The following LINGO1 variants were observed in gnomAD, a reference collection of about 807,000 sequenced individuals.
LINGO1 encodes leucine rich repeat and Ig domain containing 1.
Under a neutral mutation model 37.3 loss-of-function variants are expected in LINGO1, and 11 were observed. That is an observed-to-expected ratio of 0.29 (90% confidence interval 0.19 to 0.49). The LOEUF (loss-of-function observed/expected upper bound fraction) is 0.49. LINGO1 is among the 20% of genes least tolerant of loss of function. The pLI is 0.99. For missense variants in LINGO1, 585 were observed against 878.2 expected, an observed-to-expected ratio of 0.67 and a Z score of 4.22; for synonymous variants, 387 against 403.0, an observed-to-expected ratio of 0.96 and a Z score of 0.48.
intron 1 of LINGO1, among the ~76,000 whole-genome samples, chr15:77,694,434 C>A (rs1211889123): frequency 6.6e-6 from 1 of 152,112 alleles, no homozygotes; most frequent in African/African-American, 2.4e-5. Flanking sequence ...TGTGGCCTCA[C>A]ACCTAGGGAC....
At chr15:77,667,854 A>C (rs1426445419) in intron 3 of LINGO1, 1 of 152,234 alleles carries the variant, frequency 6.6e-6, no homozygotes, top group Non-Finnish European at 1.5e-5. Flanking sequence ...CACATGGAGA[A>C]AAGGGCATCC....
At chr15:77,816,521 T>C (rs2077049123) in intron 1 of LINGO1, among the ~76,000 whole-genome samples, 2 of 152,180 alleles carry the variant, frequency 1.3e-5, no homozygotes, top group Admixed American at 6.5e-5. Context: ...AGAATATCTT[T>C]ACAATTTAAA....
chr15:77,622,484 G>A (rs2142531648), intron 1 of LINGO1, among the ~76,000 whole-genome samples: 1 of 152,300 alleles, frequency 6.6e-6, no homozygotes, highest in Non-Finnish European at 1.5e-5. Context: ...ATATCTAGCT[G>A]GGGAGGGAGA....
At chr15:77,715,463 G>A (rs1057353974) in intron 2 of LINGO1, among the ~76,000 whole-genome samples, 4 of 152,350 alleles carry the variant, frequency 2.6e-5, no homozygotes, top group African/African-American at 9.6e-5. Context: ...GGGCATTTTA[G>A]GAACAGAGTC....
At chr15:77,685,864 AG>A (rs1469629962) in intron 2 of LINGO1, among the ~76,000 whole-genome samples, 1 of 152,076 alleles carries the variant, frequency 6.6e-6, no homozygotes, top group East Asian at 1.9e-4. Flanking sequence ...AAAATAAATA[AG>A]TAAAAGTGTA....
At chr15:77,615,982 C>G in intron 1 of LINGO1, 82 bp from the exon 2 acceptor site, 10 of 989,656 alleles carry the variant, frequency 1.0e-5, no homozygotes, top group Non-Finnish European at 1.4e-5. Flanking sequence ...CCACCTGGGC[C>G]CCTCCTGCCC....
chr15:77,704,422 C>T lies in LINGO1; in HGVS notation c.-194-13521G>A, dbSNP rs2075823145. Among the ~76,000 whole-genome samples, 20 of 150,814 alleles carry T rather than the reference C, an allele frequency of 1.3e-4. 1 individual carries two copies. The highest frequency in any genetic ancestry group is 5.0e-4 in the African/African-American group (20 of 40,200). On this transcript the variant is annotated intron_variant, in intron 2 of 3. Coordinates refer to the LINGO1 transcript ENST00000561686. ...ACAGATTGAACCCCAACCCTGGCCA[C>T]ACACTGAATCCCGACCCTGGTCAGA...
chr15:77,698,726 G>C (rs2075729031), upstream of LINGO1, among the ~76,000 whole-genome samples: 1 of 152,216 alleles, frequency 6.6e-6, no homozygotes, highest in Admixed American at 6.5e-5. Flanking sequence ...GAAAGGGTGA[G>C]GGGACAGAGA....
intron 1 of LINGO1, among the ~76,000 whole-genome samples, chr15:77,757,308 C>T (rs1264313662): frequency 6.6e-6 from 1 of 152,198 alleles, no homozygotes; most frequent in East Asian, 1.9e-4. Context: ...AATCTGAGCC[C>T]CCAGAACAAG....
rs887953968 is a variant in LINGO1, at chr15:77,712,188, C to T, written c.-194-21287G>A. On this transcript the variant is annotated intron_variant, in intron 2 of 3. Transcript: ENST00000561686. ...GCCTGCTTCCAGTCACCTTCAGCTGCCATTCCCTGCAGCCTCTATCCCAGG... is the reference window on the plus strand; with the variant it reads ...GCCTGCTTCCAGTCACCTTCAGCTGTCATTCCCTGCAGCCTCTATCCCAGG... Among the ~76,000 whole-genome samples the T allele has an allele frequency of 1.9e-4, 29 of 152,170 alleles. 1 individual carries two copies. Among genetic ancestry groups the T allele is most frequent in the Admixed American group, 1.1e-3 (17 of 15,290 alleles).
chr15:77,664,179 G>A (rs1396169481), intron 3 of LINGO1, among the ~76,000 whole-genome samples: 2 of 151,690 alleles, frequency 1.3e-5, no homozygotes, highest in African/African-American at 4.9e-5. Context: ...GTGCGCGCGC[G>A]CATGCGTTTG....
In LINGO1 at chr15:77,614,101, C is replaced by T. The variant is rs374997896; in HGVS notation, c.1806G>A (p.Ser602=). 117 of 1,613,652 alleles carry T rather than the reference C, an allele frequency of 7.3e-5. No individual in the cohort carries two copies. The highest frequency in any genetic ancestry group is 9.6e-5 in the Non-Finnish European group (113 of 1,179,796). Residue 602 remains serine (S), a synonymous_variant, in exon 2 of 2, where the codon TCG becomes TCA. Transcript: ENST00000355300. ...NIEIEYVPRK[S]DAGISSADAP... is the part of the protein sequence containing the mutation. ...CGTCGGCGGAGCTGATGCCTGCGTC[C>T]GACTTTCGGGGCACATACTCGATCT...
intron 1 of LINGO1, among the ~76,000 whole-genome samples, chr15:77,622,648 G>A (rs556729965): frequency 8.5e-5 from 13 of 152,334 alleles, no homozygotes; most frequent in South Asian, 2.1e-4. Flanking sequence ...TTCAGGAAAC[G>A]ATAAAGCGTG....
At chr15:77,636,689 TG>T (rs951590796), upstream of LINGO1, among the ~76,000 whole-genome samples, 1 of 152,010 alleles carries the variant, frequency 6.6e-6, no homozygotes, top group African/African-American at 2.4e-5. Flanking sequence ...GAGGTTGCCC[TG>T]GGGGGGTCTC....
chr15:77,766,590 A>G (rs1280680994), intron 1 of LINGO1, among the ~76,000 whole-genome samples: 1 of 152,150 alleles, frequency 6.6e-6, no homozygotes, highest in Non-Finnish European at 1.5e-5. Context: ...CTCCCCCTTC[A>G]TTCTCGTGAA....
chr15:77,735,456 T>G (rs192234829), intron 1 of LINGO1, among the ~76,000 whole-genome samples: 123 of 152,302 alleles, frequency 8.1e-4, no homozygotes, highest in Middle Eastern at 6.8e-3. Flanking sequence ...CACGTGTGGC[T>G]TATGGTCCCA....
intron 3 of LINGO1, among the ~76,000 whole-genome samples, chr15:77,644,369 A>G (rs2074576785): frequency 6.6e-6 from 1 of 152,238 alleles, no homozygotes; most frequent in East Asian, 1.9e-4. Context: ...TGCCCAGGCC[A>G]TCCTGGAAGC....
chr15:77,817,331 C>T (rs2077056909), intron 1 of LINGO1, among the ~76,000 whole-genome samples: 1 of 152,180 alleles, frequency 6.6e-6, no homozygotes, highest in Admixed American at 6.5e-5. Flanking sequence ...CCCCAGTGCA[C>T]ATTTAGATCT....
chr15:77,781,828 A>AC (rs1488361916), intron 1 of LINGO1, among the ~76,000 whole-genome samples: 1 of 152,170 alleles, frequency 6.6e-6, no homozygotes, highest in African/African-American at 2.4e-5. Context: ...TGCTTCGCAC[A>AC]CCGAAAGCCT....
Sources: allele counts gnomAD v4.1 joint callset (sites outside exome capture counted in the v4.1 genomes callset), GRCh38; gene constraint gnomAD v4.1.1; transcripts MANE v1.5; gene names NCBI Gene and HGNC (gene_info 2026-07-23, HGNC 2026-07-21).